Variants in EXT2 observed in about 807,000 individuals in gnomAD.
The protein encoded by EXT2 is exostosin glycosyltransferase 2, also known as exostosin-2.
EXT2 carries 53 observed loss-of-function variants against 81.6 expected under a neutral mutation model. The ratio of observed to expected loss-of-function variants is 0.65; its 90% CI spans 0.52 to 0.82. The LOEUF (loss-of-function observed/expected upper bound fraction) is 0.82. EXT2 is among the 40% of genes least tolerant of loss of function. The pLI, the probability that EXT2 is intolerant of heterozygous loss-of-function variation, is 0.00. For missense variants in EXT2, 774 were observed against 910.2 expected, an observed-to-expected ratio of 0.85 and a Z score of 1.93; for synonymous variants, 320 against 340.0, an observed-to-expected ratio of 0.94 and a Z score of 0.65.
intron 4 of EXT2, among the ~76,000 whole-genome samples, chr11:44,115,333 G>A (rs1359375922): frequency 1.3e-5 from 2 of 152,160 alleles, no homozygotes; most frequent in Non-Finnish European, 2.9e-5. Context: ...GGAACTGTAG[G>A]CCCATGCCAC....
At chr11:44,139,634 T>C (rs1022851712) in intron 7 of EXT2, among the ~76,000 whole-genome samples, 2 of 152,064 alleles carry the variant, frequency 1.3e-5, no homozygotes, top group Non-Finnish European at 2.9e-5. Flanking sequence ...CCATCCCCTA[T>C]TGGAAATCCC....
chr11:44,172,891 A>G (rs1424641019), intron 8 of EXT2, among the ~76,000 whole-genome samples: 2 of 152,032 alleles, frequency 1.3e-5, no homozygotes, highest in East Asian at 3.9e-4. Flanking sequence ...TACCTTTTCT[A>G]AATAGTGCTG....
intron 7 of EXT2, among the ~76,000 whole-genome samples, chr11:44,153,704 G>T (rs1005426565): frequency 2.0e-5 from 3 of 152,048 alleles, no homozygotes; most frequent in Admixed American, 6.5e-5. Context: ...CTAGTTTGCT[G>T]AGAGTTTTTA....
intron 9 of EXT2, among the ~76,000 whole-genome samples, chr11:44,206,590 T>C (rs1955585246): frequency 6.6e-6 from 1 of 150,516 alleles, no homozygotes; most frequent in Non-Finnish European, 1.5e-5. Context: ...ATGTTGTATA[T>C]ATGTGTACGT....
intron 1 of EXT2, among the ~76,000 whole-genome samples, chr11:44,102,962 G>A (rs1164982349): frequency 6.6e-6 from 1 of 151,922 alleles, no homozygotes; most frequent in Non-Finnish European, 1.5e-5. Context: ...TTGCTTATAT[G>A]TGCTGGAAAT....
chr11:44,180,052 T>A (rs1955213932), intron 8 of EXT2, among the ~76,000 whole-genome samples: 2 of 152,224 alleles, frequency 1.3e-5, no homozygotes, highest in African/African-American at 4.8e-5. Flanking sequence ...TTTCTTGGTT[T>A]TGTGTTTTAG....
At position 44,239,109 on chromosome 11, in the gene EXT2, AT is replaced by A. The variant is rs570352949; in HGVS notation, c.2018+2743del. On this transcript the variant is annotated intron_variant, in intron 13 of 13. Coordinates refer to ENST00000533608, the MANE Select transcript of EXT2 (RefSeq NM_207122.2). ...GAAGGAACAAATTAAATTACAAGAGATTTTTTTTTCCCAAAGGGAGATGTAC... is the reference window on the plus strand; with the variant it reads ...GAAGGAACAAATTAAATTACAAGAGATTTTTTTTCCCAAAGGGAGATGTAC... 4.1e-3 allele frequency among the ~76,000 whole-genome samples: 629 copies of A among 151,764 alleles called. 4 individuals carry two copies. Among genetic ancestry groups the A allele is most frequent in the Non-Finnish European group, 7.5e-3 (507 of 67,880 alleles).
At chr11:44,138,547 ATT>A (rs554012202) in intron 7 of EXT2, among the ~76,000 whole-genome samples, 1 of 146,942 alleles carries the variant, frequency 6.8e-6, no homozygotes, top group African/African-American at 2.5e-5. Flanking sequence ...CACGACTGGC[ATT>A]TTTTTTTTAA....
intron 4 of EXT2, 141 bp downstream of exon 4, chr11:44,114,442 C>T: frequency 1.3e-6 from 1 of 779,836 alleles, no homozygotes; most frequent in Non-Finnish European, 2.3e-6. Context: ...CCATCTTTCC[C>T]ACCTCCATGC....
At chr11:44,111,359 GT>G (rs1954140074) in intron 3 of EXT2, among the ~76,000 whole-genome samples, 1 of 152,024 alleles carries the variant, frequency 6.6e-6, no homozygotes. Context: ...TCCCTCCTCT[GT>G]TTTCACTCCC....
rs890021898 is a variant in EXT2 at position 44,204,534 on chromosome 11, C to T, written c.1496-2259C>T. Among the ~76,000 whole-genome samples, 7 of 152,280 alleles carry T rather than the reference C, an allele frequency of 4.6e-5. 1 individual carries two copies. The highest frequency in any genetic ancestry group is 4.1e-4 in the South Asian group (2 of 4,822). ...CTCCTTCATTTTAGATGTTACAGGG[C>T]GGGGTCCCCAACCCTGGGCCATGAA... On this transcript the variant is annotated intron_variant, in intron 9 of 13. Coordinates refer to ENST00000533608, the MANE Select transcript of EXT2 (RefSeq NM_207122.2).
At chr11:44,097,982 G>T (rs186143714) in intron 1 of EXT2, among the ~76,000 whole-genome samples, 1 of 152,320 alleles carries the variant, frequency 6.6e-6, no homozygotes, top group East Asian at 1.9e-4. Context: ...CTTTTCCAGT[G>T]ACTCAGTGCT....
chr11:44,105,704 G>A (rs571504493), intron 1 of EXT2, among the ~76,000 whole-genome samples: 3 of 152,214 alleles, frequency 2.0e-5, no homozygotes, highest in African/African-American at 4.8e-5. Context: ...GCCCTCCCCC[G>A]AAACAGTATC....
At chr11:44,139,263 A>G (rs1216383175) in intron 7 of EXT2, among the ~76,000 whole-genome samples, 1 of 150,132 alleles carries the variant, frequency 6.7e-6, no homozygotes, top group Non-Finnish European at 1.5e-5. Flanking sequence ...CCCCTTTCCA[A>G]TGGAAAAAAA....
intron 7 of EXT2, among the ~76,000 whole-genome samples, chr11:44,165,815 A>AAAG (rs1772260720): frequency 6.6e-6 from 1 of 152,292 alleles, no homozygotes; most frequent in Admixed American, 6.5e-5. Context: ...TACACCTTTC[A>AAAG]GTTTCTTGAA....
At chr11:44,153,350 G>C (rs1052883961) in intron 7 of EXT2, among the ~76,000 whole-genome samples, 1 of 152,068 alleles carries the variant, frequency 6.6e-6, no homozygotes, top group Admixed American at 6.5e-5. Context: ...ATTGATTTTT[G>C]TATATTAAAC....
At chr11:44,100,252 G>T (rs756364254) in intron 1 of EXT2, among the ~76,000 whole-genome samples, 7 of 152,256 alleles carry the variant, frequency 4.6e-5, no homozygotes, top group Non-Finnish European at 7.3e-5. Flanking sequence ...TCTTAGTTTG[G>T]CAGAGCACAA....
chr11:44,250,049 G>A lies in EXT2; in HGVS notation c.*5762G>A, dbSNP rs920180412. On this transcript the variant is annotated 3_prime_UTR_variant, in exon 14 of 14. Transcript: ENST00000533608. ...TGTGCCACTACACTCCAGCCTGGGCGACAGAGCAAGACTCCGTCTCAAAAG... is the reference window on the plus strand; with the variant it reads ...TGTGCCACTACACTCCAGCCTGGGCAACAGAGCAAGACTCCGTCTCAAAAG... 2.0e-5 allele frequency among the ~76,000 whole-genome samples: 3 copies of A among 152,190 alleles called. No individual in the cohort carries two copies. Among genetic ancestry groups the A allele is most frequent in the Non-Finnish European group, 2.9e-5 (2 of 68,036 alleles).
In EXT2 at chr11:44,126,950, G is replaced by T. The variant is rs1450980907; in HGVS notation, c.1074G>T (p.Trp358Cys). The T allele has an allele frequency of 6.2e-7, 1 of 1,614,172 alleles. No homozygotes were observed. Among genetic ancestry groups the T allele is most frequent in the Non-Finnish European group, 8.5e-7 (1 of 1,180,020 alleles). ...YILPFSEVLD[W>C]KRASVVVPEE... ...TGCCTTTCTCTGAAGTTCTTGACTGGAAGAGGTGGGTAGTACCTCCTAGTA... is the reference window on the plus strand; with the variant it reads ...TGCCTTTCTCTGAAGTTCTTGACTGTAAGAGGTGGGTAGTACCTCCTAGTA... Residue 358 changes from tryptophan (W) to cysteine (C), a missense_variant, in exon 6 of 14, where the codon TGG becomes TGT. Trp to Cys is a radical substitution (Grantham distance 215). Transcript: ENST00000533608.
Sources: allele counts gnomAD v4.1 joint callset (sites outside exome capture counted in the v4.1 genomes callset), GRCh38; gene constraint gnomAD v4.1.1; transcripts MANE v1.5; gene names NCBI Gene and HGNC (gene_info 2026-07-23, HGNC 2026-07-21).